Variants in CR1 observed in about 807,000 individuals in gnomAD.
The protein encoded by CR1 is complement receptor type 1.
CR1 carries 116 observed loss-of-function variants against 187.3 expected under a neutral mutation model. The ratio of observed to expected loss-of-function variants is 0.62; its 90% CI spans 0.53 to 0.72. The LOEUF (loss-of-function observed/expected upper bound fraction) is 0.72, where lower values mean the gene tolerates loss of function less well. Among genes scored for constraint, CR1 ranks in the 30% least tolerant of loss-of-function variants. CR1 has a pLI of 0.00. For missense variants in CR1, 1,731 were observed against 2,110.7 expected, an observed-to-expected ratio of 0.82 and a Z score of 3.52; for synonymous variants, 576 against 747.1, an observed-to-expected ratio of 0.77 and a Z score of 3.73.
intron 1 of CR1, among the ~76,000 whole-genome samples, chr1:207,496,971 T>C (rs1407395545): frequency 1.3e-5 from 2 of 152,128 alleles, no homozygotes; most frequent in Non-Finnish European, 2.9e-5. Flanking sequence ...TTGCTCCCAA[T>C]GGTGTTTAGA....
chr1:207,636,680 C>T (rs537673594), intron 46 of CR1, among the ~76,000 whole-genome samples: 1 of 152,328 alleles, frequency 6.6e-6, no homozygotes, highest in East Asian at 1.9e-4. Context: ...GCAGCCGTAG[C>T]TGTGACTGCA....
At chr1:207,509,794 A>T (rs1659558657) in intron 3 of CR1, among the ~76,000 whole-genome samples, 1 of 152,172 alleles carries the variant, frequency 6.6e-6, no homozygotes. Context: ...AGGCAGGAGG[A>T]GGTGCACATA....
intron 4 of CR1, among the ~76,000 whole-genome samples, chr1:207,515,026 CAT>C (rs71570063): frequency 0.014 from 1,987 of 141,642 alleles, 27 homozygotes; most frequent in Middle Eastern, 0.037. Flanking sequence ...CACACACACA[CAT>C]ATATACATAT....
chr1:207,606,468 A>G (rs2102379798), intron 35 of CR1: 1 of 152,314 alleles, frequency 6.6e-6, no homozygotes, highest in East Asian at 1.9e-4. Context: ...CATTTCTTAC[A>G]TAATCAAGAG....
chr1:207,499,643 G>C (rs59179545), intron 1 of CR1, among the ~76,000 whole-genome samples: 28,222 of 152,054 alleles, frequency 0.19, 3,761 homozygotes, highest in African/African-American at 0.38. Flanking sequence ...AATAGTACAC[G>C]AATTAAGCTT....
At chr1:207,620,697 C>T (rs575038867) in intron 43 of CR1, among the ~76,000 whole-genome samples, 2 of 152,224 alleles carry the variant, frequency 1.3e-5, no homozygotes, top group African/African-American at 4.8e-5. Context: ...ACAATTAATC[C>T]TGTAAATATG....
chr1:207,514,308 A>G (rs1417024904), intron 4 of CR1, among the ~76,000 whole-genome samples: 1 of 152,182 alleles, frequency 6.6e-6, no homozygotes, highest in South Asian at 2.1e-4. Flanking sequence ...TAAATTATAC[A>G]ATTTAGTGGT....
intron 1 of CR1, among the ~76,000 whole-genome samples, chr1:207,503,145 G>C (rs1024295251): frequency 2.6e-5 from 4 of 152,134 alleles, no homozygotes; most frequent in Non-Finnish European, 5.9e-5. Context: ...GTATGTGGCA[G>C]CATATACTAC....
At chr1:207,613,054 C>T (rs1661981721) in intron 39 of CR1, among the ~76,000 whole-genome samples, 1 of 152,208 alleles carries the variant, frequency 6.6e-6, no homozygotes, top group African/African-American at 2.4e-5. Context: ...CCTCCCACAG[C>T]AGAGGGCGGA....
chr1:207,594,805 C>A lies in CR1; in HGVS notation c.5810+6031C>A, dbSNP rs116649419. On this transcript the variant is annotated intron_variant, in intron 35 of 46. Coordinates refer to ENST00000367049, the MANE Select transcript of CR1 (RefSeq NM_000651.6). ...GCTTTTCACACAACCTCTTGCCCAA[C>A]CTTTTCTCACCTCCCATTGTGAATG... is the stretch of plus-strand genomic sequence containing the variant. Among the ~76,000 whole-genome samples the A allele has an allele frequency of 2.0e-3, 301 of 152,272 alleles. 1 individual carries two copies. The highest frequency in any genetic ancestry group is 6.1e-3 in the African/African-American group (255 of 41,554).
chr1:207,508,488 A>T (rs143013886), intron 3 of CR1, among the ~76,000 whole-genome samples: 7 of 152,254 alleles, frequency 4.6e-5, no homozygotes, highest in African/African-American at 1.7e-4. Context: ...TTAAAACTGC[A>T]TAGACATAAA....
At chr1:207,592,125 G>A (rs1661289696) in intron 35 of CR1, among the ~76,000 whole-genome samples, 2 of 152,096 alleles carry the variant, frequency 1.3e-5, no homozygotes, top group Non-Finnish European at 2.9e-5. Flanking sequence ...ACCAAAACCT[G>A]GCAGAGACAC....
chr1:207,578,325 G>T, intron 29 of CR1, 122 bp downstream of exon 29: 1 of 1,568,578 alleles, frequency 6.4e-7, no homozygotes, highest in African/African-American at 1.4e-5. Flanking sequence ...TAAGTTTTGG[G>T]GGAAGAAGCA....
rs1197384908 is a variant in CR1, at chr1:207,584,981, G to T, written c.5530+105G>T. The T allele has an allele frequency of 2.0e-6, 3 of 1,511,680 alleles. No individual in the cohort carries two copies. In the East Asian group the frequency reaches 6.9e-5, roughly 35 times the overall value. 93.6% of individuals were successfully genotyped at this position (1,511,680 alleles called of 1,614,324 possible). On this transcript the variant is annotated intron_variant, in intron 33 of 46. Transcript: ENST00000367049. ...GGTATTTGTTTGTGAGCTTAACTTT[G>T]TCATAAGTGTAAATGTCAAAATTAC... is the stretch of plus-strand genomic sequence containing the variant.
At chr1:207,611,086 AC>A (rs1661915765) in intron 37 of CR1, among the ~76,000 whole-genome samples, 1 of 139,236 alleles carries the variant, frequency 7.2e-6, no homozygotes, top group Admixed American at 7.4e-5. Context: ...CCCTACCCTC[AC>A]CCCCTATCCC....
In CR1 at chr1:207,616,582, T is replaced by G; in HGVS notation, c.6669T>G (p.Phe2223Leu). 6.2e-7 allele frequency: 1 copy of G among 1,613,384 alleles called. No homozygotes were observed. The highest frequency in any genetic ancestry group is 8.5e-7 in the Non-Finnish European group (1 of 1,179,524). The part of the protein sequence containing the change: ...NSSVPVCEQI[F>L]CPNPPAILNG... ...CTCTTGTTTTCTTTCTAGAAATCTTTTGTCCAAATCCTCCAGCTATCCTTA... is the reference window on the plus strand; with the variant it reads ...CTCTTGTTTTCTTTCTAGAAATCTTGTGTCCAAATCCTCCAGCTATCCTTA... Residue 2223 changes from phenylalanine (F) to leucine (L), a missense_variant, in exon 41 of 47, where the codon TTT becomes TTG. Physicochemically the swap from Phe to Leu is conservative, Grantham distance 22. Around this residue, in one of 5 missense-constraint regions of CR1, gnomAD observed 1,312 missense variants for 1,379.6 expected, o/e 0.95. Coordinates refer to ENST00000367049, the MANE Select transcript of CR1 (RefSeq NM_000651.6).
rs555835431 is a variant in CR1, at chr1:207,575,666, C to T, written c.4523C>T (p.Pro1508Leu). ...AATACTGCCCATTGGAGCACGAAGC[C>T]GCCAATTTGTCAACGTGAGTTGAAA... is the stretch of plus-strand genomic sequence containing the variant. ...SGNTAHWSTK[P>L]PICQRIPCGL... Residue 1508 changes from proline to leucine, a missense_variant, in exon 28 of 47, where the codon CCG (proline) becomes CTG (leucine). Physicochemically the swap from Pro to Leu is moderately conservative, Grantham distance 98. Transcript: ENST00000367049. 3.4e-5 allele frequency: 55 copies of T among 1,611,806 alleles called. 1 individual carries two copies. In the South Asian group the frequency reaches 3.7e-4, roughly 11 times the overall value.
intron 35 of CR1, among the ~76,000 whole-genome samples, chr1:207,596,125 C>A (rs1442583119): frequency 6.7e-6 from 1 of 149,946 alleles, no homozygotes; most frequent in African/African-American, 2.4e-5. Context: ...AAGGGCGAAA[C>A]CACTTGGTCC....
chr1:207,588,148 G>T (rs928533226), intron 34 of CR1, among the ~76,000 whole-genome samples: 10 of 152,060 alleles, frequency 6.6e-5, no homozygotes, highest in African/African-American at 2.2e-4. Context: ...TTTTTGTTTT[G>T]TTTCTGCTGT....
Sources: gnomAD v4.1 joint callset for allele counts (sites outside exome capture counted in the v4.1 genomes callset) on GRCh38, gnomAD v4.1.1 for gene constraint, gnomAD v4.1.1 regional missense constraint, MANE v1.5 for transcripts, NCBI Gene and HGNC (gene_info 2026-07-23, HGNC 2026-07-21) for gene names.